Variants in TTC7B observed in about 807,000 individuals in gnomAD.
The protein encoded by TTC7B is tetratricopeptide repeat domain 7B, also known as tetratricopeptide repeat protein 7B.
A neutral mutation model predicts 106.8 loss-of-function variants in TTC7B; 28 were observed. The ratio of observed to expected loss-of-function variants is 0.26; its 90% CI spans 0.19 to 0.36. The LOEUF is 0.36. Ranked by LOEUF, TTC7B falls within the 10% of genes least tolerant of loss-of-function variation. The pLI, the probability that TTC7B is intolerant of heterozygous loss-of-function variation, is 1.00. For missense variants in TTC7B, 862 were observed against 1,076.4 expected (o/e 0.80, Z 2.79); for synonymous variants, 405 against 430.6 (o/e 0.94, Z 0.74).
chr14:90,644,277 A>G lies in TTC7B; in HGVS notation c.1591-69T>C, dbSNP rs537761782. 11 of 1,181,624 alleles carry G rather than the reference A, an allele frequency of 9.3e-6. No individual in the cohort carries two copies. The African/African-American group carries it at 1.7e-4, about 18-fold the overall frequency. 73.2% of individuals were successfully genotyped at this position (1,181,624 alleles called of 1,614,324 possible). On this transcript the variant is annotated intron_variant, in intron 14 of 19. Transcript: ENST00000328459. ...CACACGCACACACACACACACACAC[A>G]CACGCGCGAAAGAAGCCATCTTTTC... is the stretch of plus-strand genomic sequence containing the variant.
At position 90,532,170 on chromosome 14, in the gene TTC7B, T is replaced by C. The variant is rs1889303493; in HGVS notation, c.*9198A>G. On this transcript the variant is annotated 3_prime_UTR_variant, in exon 20 of 20. Coordinates refer to ENST00000328459, the MANE Select transcript of TTC7B (RefSeq NM_001010854.2). ...TGACAGAGCAAGACCCCATCTCAAG[T>C]AGAACAAAAACAAACAAATAAAAAC... is the stretch of plus-strand genomic sequence containing the variant. 2 of 152,136 alleles carry C rather than the reference T, an allele frequency of 1.3e-5. No homozygotes were observed. Among genetic ancestry groups the C allele is most frequent in the African/African-American group, 2.4e-5 (1 of 41,438 alleles). 9.4% of individuals were successfully genotyped at this position (152,136 alleles called of 1,614,324 possible).
intron 19 of TTC7B, among the ~76,000 whole-genome samples, chr14:90,547,053 C>A (rs1029237045): frequency 6.6e-6 from 1 of 152,218 alleles, no homozygotes; most frequent in Non-Finnish European, 1.5e-5. Context: ...CCACCTTCCC[C>A]AGCACTGGTG....
chr14:90,615,631 G>T (rs941911342), intron 16 of TTC7B, among the ~76,000 whole-genome samples: 2 of 152,228 alleles, frequency 1.3e-5, no homozygotes, highest in African/African-American at 4.8e-5. Flanking sequence ...AAGGTGTGCT[G>T]TCCCCTGAAA....
At chr14:90,815,534 T>C (rs1007712225) in intron 1 of TTC7B, among the ~76,000 whole-genome samples, 2 of 151,838 alleles carry the variant, frequency 1.3e-5, no homozygotes, top group African/African-American at 4.8e-5. Flanking sequence ...CCTGACTCTA[T>C]TTCTCCTCTA....
intron 15 of TTC7B, among the ~76,000 whole-genome samples, chr14:90,618,369 A>T (rs1456006252): frequency 6.6e-6 from 1 of 152,376 alleles, no homozygotes; most frequent in Middle Eastern, 3.4e-3. Context: ...TTATTTGTGA[A>T]ACCTCAAAAA....
intron 19 of TTC7B, among the ~76,000 whole-genome samples, chr14:90,572,029 A>G (rs958363550): frequency 2.6e-5 from 4 of 152,220 alleles, no homozygotes; most frequent in Non-Finnish European, 1.5e-5. Flanking sequence ...AATAGGAGAC[A>G]GCAATTTTTC....
chr14:90,774,951 G>A (rs1347664667), intron 3 of TTC7B, among the ~76,000 whole-genome samples: 4 of 152,182 alleles, frequency 2.6e-5, no homozygotes, highest in Admixed American at 2.0e-4. Flanking sequence ...GCTGAGGCAG[G>A]AGAATCACTT....
At chr14:90,568,418 C>A (rs373677810) in intron 19 of TTC7B, among the ~76,000 whole-genome samples, 1 of 152,302 alleles carries the variant, frequency 6.6e-6, no homozygotes, top group East Asian at 1.9e-4. Context: ...GATTTTAGAT[C>A]ATAATTACTA....
At chr14:90,630,301 T>C (rs531185262) in intron 15 of TTC7B, among the ~76,000 whole-genome samples, 53 of 152,034 alleles carry the variant, frequency 3.5e-4, no homozygotes, top group African/African-American at 1.3e-3. Context: ...GCGCGTGGGG[T>C]GCTGGGAGGC....
intron 3 of TTC7B, 49 bp downstream of exon 3, chr14:90,780,689 C>G (rs1161203480): frequency 6.3e-7 from 1 of 1,584,022 alleles, no homozygotes; most frequent in Non-Finnish European, 8.6e-7. Context: ...CGAAGAGGCG[C>G]TGCTGGCTCC....
At chr14:90,551,068 C>A (rs934456084) in intron 19 of TTC7B, among the ~76,000 whole-genome samples, 1 of 152,178 alleles carries the variant, frequency 6.6e-6, no homozygotes. Flanking sequence ...TGCTCGTACA[C>A]CACAGATCTG....
At chr14:90,630,782 C>G (rs1279021882) in intron 15 of TTC7B, among the ~76,000 whole-genome samples, 3 of 151,782 alleles carry the variant, frequency 2.0e-5, no homozygotes, top group Non-Finnish European at 4.4e-5. Flanking sequence ...GCATAATGTC[C>G]TCAATTTTCA....
chr14:90,795,712 A>G (rs912700930), intron 1 of TTC7B, among the ~76,000 whole-genome samples: 6 of 152,218 alleles, frequency 3.9e-5, no homozygotes, highest in African/African-American at 1.4e-4. Context: ...TACTGTTATT[A>G]CCATCCATTT....
At chr14:90,806,614 G>C (rs749493565) in intron 1 of TTC7B, among the ~76,000 whole-genome samples, 3 of 152,192 alleles carry the variant, frequency 2.0e-5, no homozygotes, top group Non-Finnish European at 4.4e-5. Context: ...TGCAGATAAA[G>C]GTGAGGCTTA....
At chr14:90,691,648 C>T (rs1887481288) in intron 6 of TTC7B, among the ~76,000 whole-genome samples, 1 of 152,106 alleles carries the variant, frequency 6.6e-6, no homozygotes, top group South Asian at 2.1e-4. Flanking sequence ...TGTTTATGTA[C>T]AAATTTGGTC....
At position 90,538,137 on chromosome 14, in the gene TTC7B, C is replaced by T. The variant is rs1595139382; in HGVS notation, c.*3231G>A. ...ACTTTTGAAATGTTTATCCCTCAGG[C>T]CTGTCTCAATCTTAGTTCTGCCAGG... is the stretch of plus-strand genomic sequence containing the variant. On this transcript the variant is annotated 3_prime_UTR_variant, in exon 20 of 20. Transcript: ENST00000328459. 7 of 152,340 alleles carry T rather than the reference C, an allele frequency of 4.6e-5. No individual in the cohort carries two copies. The East Asian group carries it at 1.3e-3, about 29-fold the overall frequency. 9.4% of individuals were successfully genotyped at this position (152,340 alleles called of 1,614,324 possible).
chr14:90,730,035 T>C (rs1224326112), intron 5 of TTC7B, 40 bp downstream of exon 5: 1 of 1,576,514 alleles, frequency 6.3e-7, no homozygotes, highest in Non-Finnish European at 8.6e-7. Flanking sequence ...TCTACTTTCC[T>C]TCTTTAGGAA....
chr14:90,768,556 G>A (rs1890762674), intron 3 of TTC7B, among the ~76,000 whole-genome samples: 1 of 152,164 alleles, frequency 6.6e-6, no homozygotes, highest in Admixed American at 6.5e-5. Context: ...AGATCTGAAT[G>A]GGGACACAGA....
At chr14:90,723,655 T>G (rs8019797) in intron 5 of TTC7B, among the ~76,000 whole-genome samples, 14,228 of 152,214 alleles carry the variant, frequency 0.093, 1,733 homozygotes, top group African/African-American at 0.29. Context: ...CTCATCTCAA[T>G]GTCACCTCCT....
Sources: gnomAD v4.1 joint callset for allele counts (sites outside exome capture counted in the v4.1 genomes callset) on GRCh38, gnomAD v4.1.1 for gene constraint, MANE v1.5 for transcripts, NCBI Gene and HGNC (gene_info 2026-07-23, HGNC 2026-07-21) for gene names.